POLR3G: variants seen among roughly 807,000 people sequenced by gnomAD.
POLR3G encodes the protein DNA-directed RNA polymerase III subunit RPC7.
POLR3G carries 28 observed loss-of-function variants against 30.1 expected under a neutral mutation model. That is an observed-to-expected ratio of 0.93 (90% confidence interval 0.69 to 1.27). The LOEUF (loss-of-function observed/expected upper bound fraction) is 1.27, where lower values mean the gene tolerates loss of function less well. POLR3G is among the 50% of genes most tolerant of loss of function. POLR3G has a pLI of 0.00. For missense variants in POLR3G, 254 were observed against 264.6 expected, an observed-to-expected ratio of 0.96 and a Z score of 0.28; for synonymous variants, 79 against 82.5, an observed-to-expected ratio of 0.96 and a Z score of 0.23.
chr5:90,499,353 T>C (rs182798724), intron 5 of POLR3G, among the ~76,000 whole-genome samples: 1 of 152,104 alleles, frequency 6.6e-6, no homozygotes, highest in Admixed American at 6.6e-5. Flanking sequence ...CACAAGGTAG[T>C]CTGGTATTTC....
chr5:90,491,022 T>A (rs1751699077), intron 3 of POLR3G, among the ~76,000 whole-genome samples: 1 of 152,030 alleles, frequency 6.6e-6, no homozygotes, highest in Admixed American at 6.6e-5. Flanking sequence ...AAGAACTAAA[T>A]CACTAGACAC....
In POLR3G at chr5:90,513,479, C is replaced by G. The variant is rs1462536039; in HGVS notation, c.*1340C>G. 3.9e-5 allele frequency: 6 copies of G among 152,608 alleles called. No individual in the cohort carries two copies. The highest frequency in any genetic ancestry group is 8.8e-5 in the Non-Finnish European group (6 of 68,022). 9.5% of individuals were successfully genotyped at this position (152,608 alleles called of 1,614,324 possible). A position where few individuals can be genotyped will look rare whatever the true frequency, so the allele number is the denominator to read the frequency against. On this transcript the variant is annotated 3_prime_UTR_variant, in exon 8 of 8. Coordinates refer to ENST00000651687, the MANE Select transcript of POLR3G (RefSeq NM_006467.3). ...ATCACTTCTTAACTTACATTTGGCT[C>G]TCACCCTCTAAAAATTTGTAGTTTG...
chr5:90,493,463 G>T (rs922447788), intron 3 of POLR3G, among the ~76,000 whole-genome samples: 1 of 151,888 alleles, frequency 6.6e-6, no homozygotes, highest in Admixed American at 6.6e-5. Context: ...GCTCAGGCTG[G>T]TCTCGAACTC....
At chr5:90,481,985 A>C (rs558226190) in intron 1 of POLR3G, among the ~76,000 whole-genome samples, 1 of 152,330 alleles carries the variant, frequency 6.6e-6, no homozygotes, top group African/African-American at 2.4e-5. Flanking sequence ...AGTAGTGGGT[A>C]TATGGAGATT....
At chr5:90,504,228 TC>T (rs1161194418) in intron 6 of POLR3G, among the ~76,000 whole-genome samples, 1 of 152,090 alleles carries the variant, frequency 6.6e-6, no homozygotes. Flanking sequence ...AATAGAGACT[TC>T]CTGGTTCCTA....
At position 90,501,570 on chromosome 5, in the gene POLR3G, C is replaced by T. The variant is rs115875667; in HGVS notation, c.356-336C>T. On this transcript the variant is annotated intron_variant, in intron 5 of 7. Coordinates refer to ENST00000651687, the MANE Select transcript of POLR3G (RefSeq NM_006467.3). ...CAGGTGGATTTGTGGGAGCCTTTCACTATACTCTTGGTACTTCTCTATCTG... is the reference window on the plus strand; with the variant it reads ...CAGGTGGATTTGTGGGAGCCTTTCATTATACTCTTGGTACTTCTCTATCTG... Among the ~76,000 whole-genome samples the T allele has an allele frequency of 5.0e-3, 764 of 152,232 alleles. 3 individuals carry two copies. The highest frequency in any genetic ancestry group is 0.011 in the Admixed American group (161 of 15,284).
intron 3 of POLR3G, among the ~76,000 whole-genome samples, chr5:90,492,396 T>A (rs2151907156): frequency 6.6e-6 from 1 of 152,308 alleles, no homozygotes; most frequent in South Asian, 2.1e-4. Flanking sequence ...CAAAATTAAT[T>A]TGATGTGTTT....
intron 6 of POLR3G, among the ~76,000 whole-genome samples, chr5:90,505,699 C>T (rs1752450883): frequency 6.6e-6 from 1 of 151,934 alleles, no homozygotes; most frequent in African/African-American, 2.4e-5. Context: ...TTCCTGGCAA[C>T]AGGAAGTAAA....
At chr5:90,497,528 G>A in intron 4 of POLR3G, 128 bp from the exon 5 acceptor site, 1 of 1,068,816 alleles carries the variant, frequency 9.4e-7, no homozygotes, top group Non-Finnish European at 1.3e-6. Context: ...AGCTAAATTT[G>A]TAAAGTCAGA....
At chr5:90,474,215 C>G (rs781676466), upstream of POLR3G, 3 of 1,612,542 alleles carry the variant, frequency 1.9e-6, no homozygotes, top group Admixed American at 3.3e-5. Flanking sequence ...CACGGTTGCC[C>G]GACTCGTAGA....
chr5:90,504,807 A>G (rs1752414079), intron 6 of POLR3G, among the ~76,000 whole-genome samples: 2 of 152,224 alleles, frequency 1.3e-5, no homozygotes, highest in African/African-American at 4.8e-5. Context: ...ATATCTTATT[A>G]TAGATGCTGC....
intron 7 of POLR3G, among the ~76,000 whole-genome samples, chr5:90,509,765 G>A (rs1752649901): frequency 6.6e-6 from 1 of 152,124 alleles, no homozygotes; most frequent in South Asian, 2.1e-4. Flanking sequence ...GGACTAGAGG[G>A]TGTTAAGTGG....
At chr5:90,479,648 A>G (rs1751027208) in intron 1 of POLR3G, among the ~76,000 whole-genome samples, 1 of 151,880 alleles carries the variant, frequency 6.6e-6, no homozygotes, top group African/African-American at 2.4e-5. Context: ...TCTTTCCAAG[A>G]GCAATGTGGG....
At position 90,474,904 on chromosome 5, in the gene POLR3G, T is replaced by A. The variant is rs1166021780; in HGVS notation, c.-160T>A. On this transcript the variant is annotated 5_prime_UTR_variant, in exon 1 of 8. Coordinates refer to ENST00000651687, the MANE Select transcript of POLR3G (RefSeq NM_006467.3). Reference sequence around the variant, plus strand: ...TGCCGCGTGCAGGTCGGTGCGCGCTTCTCCCGAGGTGGAACGGGCGGCAGT... The same window carrying A: ...TGCCGCGTGCAGGTCGGTGCGCGCTACTCCCGAGGTGGAACGGGCGGCAGT... 1.3e-5 allele frequency: 2 copies of A among 152,384 alleles called. No individual in the cohort carries two copies. The highest frequency in any genetic ancestry group is 4.8e-5 in the African/African-American group (2 of 41,440). 9.4% of individuals were successfully genotyped at this position (152,384 alleles called of 1,614,324 possible).
At chr5:90,500,241 A>G (rs889177421) in intron 5 of POLR3G, among the ~76,000 whole-genome samples, 2 of 152,132 alleles carry the variant, frequency 1.3e-5, no homozygotes, top group Non-Finnish European at 2.9e-5. Context: ...ATTAATTTAC[A>G]TGGAAGTAAA....
intron 6 of POLR3G, among the ~76,000 whole-genome samples, chr5:90,503,625 G>GT (rs1752355219): frequency 6.6e-6 from 1 of 152,142 alleles, no homozygotes; most frequent in Admixed American, 6.5e-5. Context: ...TGGAAAAACT[G>GT]GAAATTTAAA....
rs1372502061 is a variant in POLR3G, at chr5:90,501,969, A to G, written c.419A>G (p.Asp140Gly). The change falls in exon 6 of 8, where the codon GAT becomes GGT. Residue 140 changes from aspartate (D) to glycine (G), a missense_variant. Asp to Gly is a moderately conservative substitution (Grantham distance 94). Transcript: ENST00000651687. The stretch of plus-strand genomic sequence containing the variant: ...GGCACACCACTCACTAATACTGAAG[A>G]TGTGTTGAAAAAAATGGAGGTAAGG... ...GKGTPLTNTE[D>G]VLKKMEELEK... 1.2e-6 allele frequency: 2 copies of G among 1,613,238 alleles called. No homozygotes were observed. Among genetic ancestry groups the G allele is most frequent in the Admixed American group, 3.3e-5 (2 of 60,014 alleles).
rs769031089 is a variant in POLR3G, at chr5:90,488,171, A to G, written c.247+42A>G. ...TTTGATTATGTGGCTTAATGTATAC[A>G]GATGAAACAGTGTTTAAGCACAAGA... On this transcript the variant is annotated intron_variant, in intron 3 of 7. Transcript: ENST00000651687. 2.8e-6 allele frequency: 4 copies of G among 1,454,358 alleles called. No individual in the cohort carries two copies. The South Asian group carries it at 6.6e-5, about 24-fold the overall frequency. The allele number at this position is 1,454,358 out of a possible 1,614,324, so 90.1% of individuals were successfully genotyped here.
At chr5:90,478,609 C>A (rs1750964685) in intron 1 of POLR3G, among the ~76,000 whole-genome samples, 1 of 112,466 alleles carries the variant, frequency 8.9e-6, no homozygotes, top group Non-Finnish European at 1.8e-5. Context: ...CACTCTGTCG[C>A]CTAGGCTGGA....
Sources: allele counts gnomAD v4.1 joint callset (sites outside exome capture counted in the v4.1 genomes callset), GRCh38; gene constraint gnomAD v4.1.1; transcripts MANE v1.5; gene names NCBI Gene and HGNC (gene_info 2026-07-23, HGNC 2026-07-21).